Variants in CADM2 observed in about 807,000 individuals in gnomAD.
The protein encoded by CADM2 is immunoglobulin superfamily member 4D.
A neutral mutation model predicts 49.8 loss-of-function variants in CADM2; 12 were observed. That is an observed-to-expected ratio of 0.24 (90% CI 0.15 to 0.39). The LOEUF (loss-of-function observed/expected upper bound fraction) is 0.39, where lower values mean the gene tolerates loss of function less well. CADM2 is among the 10% of genes least tolerant of loss of function. The pLI is 1.00. For missense variants in CADM2, 378 were observed against 492.3 expected, an observed-to-expected ratio of 0.77 and a Z score of 2.20; for synonymous variants, 214 against 175.4, an observed-to-expected ratio of 1.22 and a Z score of -1.74.
intron 3 of CADM2, among the ~76,000 whole-genome samples, chr3:85,820,230 T>A (rs2108177727): frequency 6.6e-6 from 1 of 152,210 alleles, no homozygotes; most frequent in Admixed American, 6.6e-5. Context: ...AGCCATAGAA[T>A]AATTCTGAAT....
At chr3:85,040,340 C>T (rs1389770541) in intron 1 of CADM2, among the ~76,000 whole-genome samples, 1 of 152,114 alleles carries the variant, frequency 6.6e-6, no homozygotes, top group Non-Finnish European at 1.5e-5. Context: ...TTATTTGTTC[C>T]TTGCCTTTGT....
At chr3:85,564,211 T>C (rs919619382) in intron 1 of CADM2, among the ~76,000 whole-genome samples, 2 of 150,794 alleles carry the variant, frequency 1.3e-5, no homozygotes, top group African/African-American at 2.5e-5. Flanking sequence ...ATTTTAAAAA[T>C]TGTGATAAAA....
At chr3:85,259,880 C>G (rs1362368321) in intron 1 of CADM2, among the ~76,000 whole-genome samples, 2 of 152,018 alleles carry the variant, frequency 1.3e-5, no homozygotes, top group Non-Finnish European at 2.9e-5. Context: ...GTTTTGAGAA[C>G]TTGGCTCATT....
chr3:85,322,886 A>G (rs1321068184), intron 1 of CADM2, among the ~76,000 whole-genome samples: 2 of 152,154 alleles, frequency 1.3e-5, no homozygotes, highest in South Asian at 4.1e-4. Context: ...TCCTGAAGAA[A>G]ATAGATAAAA....
chr3:85,763,400 G>T (rs1255893029), intron 2 of CADM2, among the ~76,000 whole-genome samples: 1 of 152,116 alleles, frequency 6.6e-6, no homozygotes, highest in African/African-American at 2.4e-5. Flanking sequence ...GATATATTCA[G>T]AATGCTGAAG....
intron 1 of CADM2, among the ~76,000 whole-genome samples, chr3:85,282,917 A>G (rs962072632): frequency 2.0e-5 from 3 of 152,150 alleles, no homozygotes; most frequent in Non-Finnish European, 4.4e-5. Context: ...TCCAGCACAG[A>G]GAAATGATAA....
chr3:85,771,167 G>A (rs2070065638), intron 2 of CADM2, among the ~76,000 whole-genome samples: 1 of 152,104 alleles, frequency 6.6e-6, no homozygotes, highest in South Asian at 2.1e-4. Context: ...TAGACCATAA[G>A]TGTTGTGTTT....
chr3:85,765,077 TA>T (rs2069591577), intron 2 of CADM2, among the ~76,000 whole-genome samples: 1 of 152,116 alleles, frequency 6.6e-6, no homozygotes, highest in Admixed American at 6.6e-5. Context: ...GAATTTTTAA[TA>T]TTATTCCCTT....
chr3:85,559,716 C>A (rs998598443), intron 1 of CADM2, among the ~76,000 whole-genome samples: 35 of 151,314 alleles, frequency 2.3e-4, no homozygotes, highest in East Asian at 1.7e-3. Flanking sequence ...TTAAAAATAT[C>A]TTTTTATTGC....
At chr3:85,675,737 T>C (rs1467315772) in intron 1 of CADM2, among the ~76,000 whole-genome samples, 2 of 152,206 alleles carry the variant, frequency 1.3e-5, no homozygotes, top group African/African-American at 4.8e-5. Flanking sequence ...TCTGCAGATG[T>C]CATTCATTAA....
intron 5 of CADM2, among the ~76,000 whole-genome samples, chr3:85,899,110 C>T (rs1250651780): frequency 6.7e-6 from 1 of 150,358 alleles, no homozygotes; most frequent in Non-Finnish European, 1.5e-5. Flanking sequence ...GGATTACAGG[C>T]GTGCACCAAC....
chr3:85,727,291 G>T (rs978614734), intron 2 of CADM2, among the ~76,000 whole-genome samples: 6 of 151,792 alleles, frequency 4.0e-5, no homozygotes, highest in Admixed American at 2.0e-4. Context: ...TCAGTTCCAG[G>T]TTCTAGTTTT....
intron 8 of CADM2, among the ~76,000 whole-genome samples, chr3:86,054,852 C>T (rs1451508850): frequency 6.6e-6 from 1 of 151,924 alleles, no homozygotes; most frequent in East Asian, 1.9e-4. Flanking sequence ...GAATACATTG[C>T]CAAAATGGAT....
chr3:85,146,121 G>A (rs1048249149), intron 1 of CADM2, among the ~76,000 whole-genome samples: 3 of 152,056 alleles, frequency 2.0e-5, no homozygotes, highest in Non-Finnish European at 4.4e-5. Context: ...GGATTGCTGC[G>A]AGTTAATATC....
At chr3:85,240,562 T>C (rs1472455220) in intron 1 of CADM2, among the ~76,000 whole-genome samples, 1 of 151,458 alleles carries the variant, frequency 6.6e-6, no homozygotes, top group East Asian at 1.9e-4. Context: ...TGAGGATAGA[T>C]TCAAATAGGG....
intron 2 of CADM2, among the ~76,000 whole-genome samples, chr3:85,732,083 A>G (rs144445552): frequency 7.1e-6 from 1 of 140,454 alleles, no homozygotes; most frequent in East Asian, 2.1e-4. Context: ...ACCCATCTCT[A>G]CTAAGAATAC....
At chr3:85,943,279 G>A (rs1722203081) in intron 7 of CADM2, among the ~76,000 whole-genome samples, 1 of 135,496 alleles carries the variant, frequency 7.4e-6, no homozygotes, top group Non-Finnish European at 1.5e-5. Flanking sequence ...CTCCCATTTT[G>A]TAGGTTGCCT....
intron 1 of CADM2, among the ~76,000 whole-genome samples, chr3:85,227,452 C>CTTTTTTTTTTTTTTT (rs143104896): frequency 2.5e-5 from 3 of 120,834 alleles, no homozygotes; most frequent in Admixed American, 8.5e-5. Flanking sequence ...GCAACCCCTG[C>CTTTTTTTTTTTTTTT]TTTTTTTTTT....
chr3:85,827,964 G>T (rs886904753), intron 3 of CADM2: 3 of 151,862 alleles, frequency 2.0e-5, no homozygotes, highest in African/African-American at 7.3e-5. Context: ...TTTATGAAAA[G>T]AATAAGAGGC....
Sources: allele counts gnomAD v4.1 joint callset (sites outside exome capture counted in the v4.1 genomes callset), GRCh38; gene constraint gnomAD v4.1.1; transcripts MANE v1.5; gene names NCBI Gene and HGNC (gene_info 2026-07-23, HGNC 2026-07-21).